Variants in RBFOX1 observed in about 807,000 individuals in gnomAD.
The protein encoded by RBFOX1 is RNA binding protein fox-1 homolog 1.
In RBFOX1, 8 loss-of-function variants were observed where a neutral mutation model predicts 57.7. That is an observed-to-expected ratio of 0.14 (90% CI 0.08 to 0.25). The LOEUF (loss-of-function observed/expected upper bound fraction) is 0.25, where lower values mean the gene tolerates loss of function less well. Ranked by LOEUF, RBFOX1 falls within the 10% of genes least tolerant of loss-of-function variation. The pLI is 1.00. For missense variants in RBFOX1, 611 were observed against 548.5 expected (o/e 1.11, Z -1.14); for synonymous variants, 326 against 222.4 (o/e 1.47, Z -4.15).
chr16:5,519,724 C>T (rs181712866), intron 2 of RBFOX1, among the ~76,000 whole-genome samples: 1 of 152,242 alleles, frequency 6.6e-6, no homozygotes, highest in African/African-American at 2.4e-5. Context: ...GATGGTGTCT[C>T]AGAAAAAAAT....
chr16:7,276,968 G>GC (rs1186695117), intron 4 of RBFOX1, among the ~76,000 whole-genome samples: 1 of 152,178 alleles, frequency 6.6e-6, no homozygotes, highest in Non-Finnish European at 1.5e-5. Flanking sequence ...ATCAAAAGCA[G>GC]CTTATGTGCA....
chr16:6,551,940 T>C (rs2096997551), intron 2 of RBFOX1, among the ~76,000 whole-genome samples: 1 of 152,346 alleles, frequency 6.6e-6, no homozygotes, highest in African/African-American at 2.4e-5. Context: ...TTGAGAGTTA[T>C]TTGGATTTCA....
intron 3 of RBFOX1, among the ~76,000 whole-genome samples, chr16:6,932,126 A>G (rs953318533): frequency 2.0e-5 from 3 of 151,944 alleles, no homozygotes; most frequent in African/African-American, 7.3e-5. Flanking sequence ...GTTTTTTCAG[A>G]TGGCATCCCA....
chr16:7,405,766 A>G (rs1440077084), intron 4 of RBFOX1, among the ~76,000 whole-genome samples: 1 of 152,088 alleles, frequency 6.6e-6, no homozygotes, highest in African/African-American at 2.4e-5. Flanking sequence ...TCTCAGTGCT[A>G]GGGTTTTTGC....
chr16:5,871,494 C>G (rs1308994552), intron 4 of RBFOX1, among the ~76,000 whole-genome samples: 4 of 152,182 alleles, frequency 2.6e-5, no homozygotes, highest in Non-Finnish European at 5.9e-5. Flanking sequence ...CCTTCAAAAT[C>G]ATTAAGCCTG....
chr16:6,986,620 T>C (rs2090347181), intron 3 of RBFOX1, among the ~76,000 whole-genome samples: 1 of 152,172 alleles, frequency 6.6e-6, no homozygotes, highest in South Asian at 2.1e-4. Context: ...ATATTAAATA[T>C]TTTTTACTGC....
At chr16:7,097,455 A>C (rs1432859552) in intron 4 of RBFOX1, among the ~76,000 whole-genome samples, 2 of 152,180 alleles carry the variant, frequency 1.3e-5, no homozygotes, top group Non-Finnish European at 2.9e-5. Context: ...AAGAGAGAAG[A>C]ACCCTACAGA....
chr16:6,641,405 T>A (rs1249725200), intron 2 of RBFOX1, among the ~76,000 whole-genome samples: 1 of 152,158 alleles, frequency 6.6e-6, no homozygotes, highest in African/African-American at 2.4e-5. Flanking sequence ...TGTTTTGTTT[T>A]GGTGCTGGTG....
intron 1 of RBFOX1, among the ~76,000 whole-genome samples, chr16:6,179,283 C>G (rs1273830900): frequency 2.6e-5 from 4 of 152,134 alleles, no homozygotes; most frequent in Admixed American, 2.6e-4. Context: ...TTCTTAAGAA[C>G]AAGTATTGTT....
intron 4 of RBFOX1, among the ~76,000 whole-genome samples, chr16:7,077,201 A>G (rs2058444663): frequency 6.6e-6 from 1 of 152,234 alleles, no homozygotes; most frequent in African/African-American, 2.4e-5. Flanking sequence ...ATAATGCTCC[A>G]ATCAGGCTAG....
intron 1 of RBFOX1, among the ~76,000 whole-genome samples, chr16:6,101,118 A>G (rs2096302134): frequency 6.6e-6 from 1 of 152,128 alleles, no homozygotes. Context: ...TCCTCTGTAA[A>G]ATGGGTATAA....
intron 3 of RBFOX1, among the ~76,000 whole-genome samples, chr16:6,827,654 C>T (rs1206224622): frequency 6.6e-6 from 1 of 152,174 alleles, no homozygotes; most frequent in Non-Finnish European, 1.5e-5. Context: ...CTTCCCCCTC[C>T]TCACCCTTTT....
intron 10 of RBFOX1, among the ~76,000 whole-genome samples, chr16:7,609,878 C>T (rs938503131): frequency 3.3e-5 from 5 of 151,854 alleles, no homozygotes; most frequent in Non-Finnish European, 7.4e-5. Context: ...AGTGCAGTGG[C>T]GCGGTCTCAG....
intron 2 of RBFOX1, among the ~76,000 whole-genome samples, chr16:6,470,721 T>A (rs2095154884): frequency 6.6e-6 from 1 of 152,202 alleles, no homozygotes; most frequent in Admixed American, 6.5e-5. Context: ...ATACCACCAT[T>A]TAGTCAATAA....
chr16:7,336,120 A>G (rs2096782318), intron 4 of RBFOX1, among the ~76,000 whole-genome samples: 1 of 152,186 alleles, frequency 6.6e-6, no homozygotes, highest in Non-Finnish European at 1.5e-5. Flanking sequence ...TGATCAGTGA[A>G]TTGTCTGACC....
chr16:7,404,387 C>A (rs891234699), intron 4 of RBFOX1, among the ~76,000 whole-genome samples: 16 of 152,162 alleles, frequency 1.1e-4, no homozygotes, highest in African/African-American at 3.9e-4. Flanking sequence ...CCTTGTAGGT[C>A]ACTGACCTAT....
At chr16:6,423,170 C>G (rs182805104) in intron 2 of RBFOX1, among the ~76,000 whole-genome samples, 1 of 152,334 alleles carries the variant, frequency 6.6e-6, no homozygotes, top group East Asian at 1.9e-4. Flanking sequence ...TCTGTCCAGT[C>G]TGTCAACACC....
chr16:7,051,794 G>T lies in RBFOX1; in HGVS notation c.-15-263G>T, dbSNP rs572091840. 1.8e-4 allele frequency among the ~76,000 whole-genome samples: 27 copies of T among 152,248 alleles called. No individual in the cohort carries two copies. The South Asian group carries it at 5.4e-3, about 30-fold the overall frequency. ...AGGGGAGGTGCCCTCATCCCAGGCA[G>T]ATGCTGCCTCCCACACATACTCCTG... On this transcript the variant is annotated intron_variant, in intron 3 of 15. Coordinates refer to ENST00000550418, the MANE Select transcript of RBFOX1 (RefSeq NM_018723.4).
intron 4 of RBFOX1, among the ~76,000 whole-genome samples, chr16:7,370,137 A>G (rs1200480376): frequency 2.0e-5 from 3 of 152,108 alleles, no homozygotes; most frequent in Admixed American, 6.6e-5. Context: ...ATTGGCAGCA[A>G]CTCTGGACTC....
Sources: allele counts gnomAD v4.1 joint callset (sites outside exome capture counted in the v4.1 genomes callset), GRCh38; gene constraint gnomAD v4.1.1; transcripts MANE v1.5; gene names NCBI Gene and HGNC (gene_info 2026-07-23, HGNC 2026-07-21).